The following FOXP1 variants were observed in gnomAD, a reference collection of about 807,000 sequenced individuals.
The protein encoded by FOXP1 is forkhead box protein P1.
FOXP1 carries 15 observed loss-of-function variants against 98.2 expected under a neutral mutation model. That is an observed-to-expected ratio of 0.15 (90% CI 0.10 to 0.24). The LOEUF (loss-of-function observed/expected upper bound fraction) is 0.24, where lower values mean the gene tolerates loss of function less well. Among genes scored for constraint, FOXP1 ranks in the 10% least tolerant of loss-of-function variants. The pLI, the probability that FOXP1 is intolerant of heterozygous loss-of-function variation, is 1.00. For missense variants in FOXP1, 633 were observed against 848.5 expected (o/e 0.75, Z 3.15); for synonymous variants, 371 against 314.5 (o/e 1.18, Z -1.90).
intron 2 of FOXP1, among the ~76,000 whole-genome samples, chr3:71,531,272 C>T (rs1338560144): frequency 6.6e-6 from 1 of 152,214 alleles, no homozygotes; most frequent in Non-Finnish European, 1.5e-5. Flanking sequence ...AAAGGTAACG[C>T]TGCCCAAGGT....
chr3:71,372,052 A>G (rs529085214), intron 3 of FOXP1, among the ~76,000 whole-genome samples: 31 of 147,956 alleles, frequency 2.1e-4, no homozygotes, highest in African/African-American at 7.8e-4. Context: ...TTGCTCTGTC[A>G]CCCAGGCTGG....
At chr3:71,027,726 C>G (rs2107857296) in intron 11 of FOXP1, among the ~76,000 whole-genome samples, 1 of 152,236 alleles carries the variant, frequency 6.6e-6, no homozygotes, top group East Asian at 1.9e-4. Context: ...AATATTAGAA[C>G]TTGAAAATGT....
intron 6 of FOXP1, among the ~76,000 whole-genome samples, chr3:71,171,112 T>A (rs866007848): frequency 2.6e-5 from 4 of 151,706 alleles, no homozygotes; most frequent in Middle Eastern, 6.8e-3. Flanking sequence ...TTTTTTTTTT[T>A]AATTTAAATA....
At chr3:71,352,094 G>A (rs976055159) in intron 4 of FOXP1, among the ~76,000 whole-genome samples, 4 of 152,110 alleles carry the variant, frequency 2.6e-5, no homozygotes, top group Non-Finnish European at 4.4e-5. Context: ...AAGTTTATGT[G>A]AAAACAAAAT....
chr3:71,168,756 C>A (rs1188229650), intron 6 of FOXP1, among the ~76,000 whole-genome samples: 1 of 152,172 alleles, frequency 6.6e-6, no homozygotes, highest in Non-Finnish European at 1.5e-5. Context: ...TTTGCCAGTG[C>A]TGGAAAACTT....
chr3:71,365,856 G>A (rs1178237412), intron 3 of FOXP1, among the ~76,000 whole-genome samples: 2 of 152,126 alleles, frequency 1.3e-5, no homozygotes, highest in East Asian at 3.9e-4. Context: ...GGTGGCGTGT[G>A]CCTCTAGTCC....
rs1260379943 is a variant in FOXP1 at position 70,957,012 on chromosome 3, T to C, written c.*2235A>G. The C allele has an allele frequency of 4.5e-6, 1 of 222,016 alleles. No individual in the cohort carries two copies. Among genetic ancestry groups the C allele is most frequent in the Non-Finnish European group, 9.0e-6 (1 of 111,194 alleles). The allele number at this position is 222,016 out of a possible 1,614,324, so 13.8% of individuals were successfully genotyped here. On this transcript the variant is annotated 3_prime_UTR_variant, in exon 21 of 21. Coordinates refer to ENST00000649528, the MANE Select transcript of FOXP1 (RefSeq NM_001349338.3). The stretch of plus-strand genomic sequence containing the variant: ...AATACAGTGATCACAGCACAGTTCT[T>C]AAACAAAAGTGGCATACAATCTAAA...
intron 3 of FOXP1, among the ~76,000 whole-genome samples, chr3:71,460,925 G>T (rs980357103): frequency 6.6e-6 from 1 of 152,142 alleles, no homozygotes; most frequent in Non-Finnish European, 1.5e-5. Context: ...CTGTCTGATG[G>T]TGGTGCCTTT....
At chr3:71,415,753 T>G (rs2083165275) in intron 3 of FOXP1, among the ~76,000 whole-genome samples, 1 of 152,012 alleles carries the variant, frequency 6.6e-6, no homozygotes, top group Non-Finnish European at 1.5e-5. Context: ...TTTGGGTCTT[T>G]GACTGTAAAA....
chr3:70,984,059 G>A (rs749225886), intron 14 of FOXP1, among the ~76,000 whole-genome samples: 1 of 152,128 alleles, frequency 6.6e-6, no homozygotes, highest in Non-Finnish European at 1.5e-5. Flanking sequence ...TCTTTCCATA[G>A]AAAAGAATAG....
intron 5 of FOXP1, chr3:71,289,580 T>C (rs945241768): frequency 8.5e-5 from 13 of 152,200 alleles, no homozygotes; most frequent in Non-Finnish European, 1.5e-4. Context: ...AGAGTTTTCA[T>C]CCCATCTCTG....
chr3:71,173,383 T>TCACACACACACACA (rs3064895), intron 6 of FOXP1, among the ~76,000 whole-genome samples: 51 of 143,306 alleles, frequency 3.6e-4, no homozygotes, highest in Admixed American at 1.1e-3. Flanking sequence ...AAGAAAAAAT[T>TCACACACACACACA]CACACACACA....
At chr3:71,576,796 G>T (rs2047754083) in intron 2 of FOXP1, among the ~76,000 whole-genome samples, 1 of 152,056 alleles carries the variant, frequency 6.6e-6, no homozygotes, top group African/African-American at 2.4e-5. Flanking sequence ...GCTTGGGGAG[G>T]GTCATGAGGA....
intron 5 of FOXP1, among the ~76,000 whole-genome samples, chr3:71,218,569 G>C (rs2037473): frequency 0.33 from 49,829 of 151,900 alleles, 9,338 homozygotes; most frequent in Admixed American, 0.42. Context: ...TTAAAGCAGG[G>C]GTCTGCAAAC....
chr3:71,258,052 A>G (rs554839759), intron 5 of FOXP1, among the ~76,000 whole-genome samples: 26 of 152,222 alleles, frequency 1.7e-4, no homozygotes, highest in Non-Finnish European at 3.2e-4. Context: ...CGGAGCGCCT[A>G]CGAATATCTA....
chr3:71,179,186 T>C (rs573579529), intron 6 of FOXP1, among the ~76,000 whole-genome samples: 15 of 144,708 alleles, frequency 1.0e-4, no homozygotes, highest in African/African-American at 3.9e-4. Context: ...CCAGGCTGAG[T>C]AGCACAACCT....
intron 5 of FOXP1, among the ~76,000 whole-genome samples, chr3:71,235,596 T>G (rs1037174886): frequency 1.3e-5 from 2 of 152,106 alleles, no homozygotes; most frequent in African/African-American, 4.8e-5. Flanking sequence ...AAATGGAGTC[T>G]CACTCTGTTG....
chr3:71,483,984 T>C (rs2090473584), intron 3 of FOXP1, among the ~76,000 whole-genome samples: 1 of 152,216 alleles, frequency 6.6e-6, no homozygotes. Context: ...ATTGGCCTCA[T>C]TATCCACCAG....
intron 11 of FOXP1, among the ~76,000 whole-genome samples, chr3:71,027,242 C>A (rs2046254176): frequency 6.6e-6 from 1 of 152,042 alleles, no homozygotes; most frequent in Non-Finnish European, 1.5e-5. Context: ...ACCAATGACA[C>A]CCAAAAAAAC....
Sources: gnomAD v4.1 joint callset for allele counts (sites outside exome capture counted in the v4.1 genomes callset) on GRCh38, gnomAD v4.1.1 for gene constraint, MANE v1.5 for transcripts, NCBI Gene and HGNC (gene_info 2026-07-23, HGNC 2026-07-21) for gene names.